Variants in ANXA4 observed in about 807,000 individuals in gnomAD.
The protein encoded by ANXA4 is 35-beta calcimedin.
ANXA4 carries 39 observed loss-of-function variants against 49.8 expected under a neutral mutation model. The observed-to-expected ratio is 0.78, with a 90% CI of 0.61 to 1.02. ANXA4 has a LOEUF of 1.02. ANXA4 is among the 50% of genes least tolerant of loss of function. The pLI, the probability that ANXA4 is intolerant of heterozygous loss-of-function variation, is 0.00. For missense variants in ANXA4, 360 were observed against 410.1 expected (o/e 0.88, Z 1.05); for synonymous variants, 134 against 152.5 (o/e 0.88, Z 0.89).
intron 1 of ANXA4, among the ~76,000 whole-genome samples, chr2:69,778,608 T>A (rs1460594642): frequency 1.3e-5 from 2 of 151,818 alleles, no homozygotes; most frequent in Admixed American, 1.3e-4. Context: ...AAACCCTGTC[T>A]CTACTAAAAA....
intron 2 of ANXA4, among the ~76,000 whole-genome samples, chr2:69,685,747 G>A (rs979359664): frequency 6.6e-6 from 1 of 152,224 alleles, no homozygotes; most frequent in South Asian, 2.1e-4. Flanking sequence ...AACTCAATAT[G>A]AGTCAGAAGT....
At chr2:69,795,125 C>G (rs1038775693) in intron 3 of ANXA4, among the ~76,000 whole-genome samples, 3 of 152,096 alleles carry the variant, frequency 2.0e-5, no homozygotes, top group Non-Finnish European at 4.4e-5. Flanking sequence ...CTGAGCCTTC[C>G]TTGATTGGGG....
chr2:69,657,145 C>A (rs182214171), intron 2 of ANXA4, among the ~76,000 whole-genome samples: 34 of 151,966 alleles, frequency 2.2e-4, no homozygotes, highest in South Asian at 4.2e-4. Context: ...CAGGCACCCG[C>A]CACCATGCCC....
intron 8 of ANXA4, 59 bp downstream of exon 8, chr2:69,812,768 C>T: frequency 6.8e-7 from 1 of 1,467,304 alleles, no homozygotes; most frequent in Non-Finnish European, 9.5e-7. Context: ...ATGAGACAGG[C>T]CTTAGTGGGT....
intron 3 of ANXA4, among the ~76,000 whole-genome samples, chr2:69,788,705 G>A (rs1471118981): frequency 1.3e-5 from 2 of 151,932 alleles, no homozygotes; most frequent in East Asian, 3.9e-4. Context: ...GGGCGTGGTG[G>A]CGGGCGCCTG....
At chr2:69,663,259 G>T (rs540993936) in intron 2 of ANXA4, among the ~76,000 whole-genome samples, 29 of 135,698 alleles carry the variant, frequency 2.1e-4, no homozygotes, top group Non-Finnish European at 3.8e-4. Flanking sequence ...CTCCCAAAGT[G>T]CTGGGATTAC....
chr2:69,755,647 G>T (rs1217554157), intron 1 of ANXA4, among the ~76,000 whole-genome samples: 1 of 152,054 alleles, frequency 6.6e-6, no homozygotes. Context: ...GGTAAATTTT[G>T]CTATATATAT....
At chr2:69,771,915 G>A (rs1671733915) in intron 1 of ANXA4, among the ~76,000 whole-genome samples, 1 of 152,030 alleles carries the variant, frequency 6.6e-6, no homozygotes, top group South Asian at 2.1e-4. Flanking sequence ...ATTGAGATAG[G>A]TCTCATATGT....
At chr2:69,710,049 G>A (rs893228072) in intron 2 of ANXA4, among the ~76,000 whole-genome samples, 1 of 142,244 alleles carries the variant, frequency 7.0e-6, no homozygotes, top group African/African-American at 2.7e-5. Context: ...GTGCAATGGC[G>A]TGAACTCAGC....
At chr2:69,690,598 C>T (rs540278422) in intron 2 of ANXA4, among the ~76,000 whole-genome samples, 1 of 152,300 alleles carries the variant, frequency 6.6e-6, no homozygotes, top group Admixed American at 6.5e-5. Context: ...ACACTTACCC[C>T]TGGGATACCC....
intron 12 of ANXA4, among the ~76,000 whole-genome samples, chr2:69,823,307 C>G (rs1187765845): frequency 6.6e-6 from 1 of 150,570 alleles, no homozygotes; most frequent in Non-Finnish European, 1.5e-5. Context: ...ATAAAGAATA[C>G]ATTACTCATT....
At chr2:69,799,146 T>A (rs1673079292) in intron 3 of ANXA4, among the ~76,000 whole-genome samples, 1 of 152,146 alleles carries the variant, frequency 6.6e-6, no homozygotes, top group African/African-American at 2.4e-5. Context: ...TTTATCAGCT[T>A]TTATCCCATT....
At chr2:69,795,573 G>T (rs1359134313) in intron 3 of ANXA4, among the ~76,000 whole-genome samples, 1 of 152,164 alleles carries the variant, frequency 6.6e-6, no homozygotes, top group Non-Finnish European at 1.5e-5. Flanking sequence ...ATAGCTTCTA[G>T]CCCTTTCCTG....
At chr2:69,743,355 C>T (rs1225401453) in intron 1 of ANXA4, among the ~76,000 whole-genome samples, 1 of 152,082 alleles carries the variant, frequency 6.6e-6, no homozygotes, top group African/African-American at 2.4e-5. Context: ...GTAGCTGGGA[C>T]TACAGGCGTG....
intron 2 of ANXA4, among the ~76,000 whole-genome samples, chr2:69,688,514 A>G (rs1280140382): frequency 6.6e-6 from 1 of 152,184 alleles, no homozygotes; most frequent in Non-Finnish European, 1.5e-5. Context: ...TCCTTTAATT[A>G]TTAGCTGGAA....
intron 2 of ANXA4, among the ~76,000 whole-genome samples, chr2:69,706,841 G>A (rs755760799): frequency 7.9e-5 from 12 of 152,086 alleles, no homozygotes; most frequent in East Asian, 5.8e-4. Flanking sequence ...TGTTATGGCC[G>A]AATAATTTCT....
At chr2:69,795,873 G>A (rs558404020) in intron 3 of ANXA4, among the ~76,000 whole-genome samples, 1 of 152,306 alleles carries the variant, frequency 6.6e-6, no homozygotes, top group South Asian at 2.1e-4. Context: ...ACTACAGTGA[G>A]AGAAATATTG....
intron 1 of ANXA4, among the ~76,000 whole-genome samples, chr2:69,759,123 C>G: frequency 9.4e-6 from 1 of 106,542 alleles, no homozygotes; most frequent in Non-Finnish European, 1.8e-5. Context: ...GAGAGAGACT[C>G]TGTCTCAAAA....
chr2:69,802,999 C>T (rs1420170892), intron 3 of ANXA4, among the ~76,000 whole-genome samples: 1 of 151,704 alleles, frequency 6.6e-6, no homozygotes, highest in African/African-American at 2.4e-5. Flanking sequence ...GAGTTCAAGA[C>T]CAGCCTGGTC....
Sources: gnomAD v4.1 joint callset for allele counts (sites outside exome capture counted in the v4.1 genomes callset) on GRCh38, gnomAD v4.1.1 for gene constraint, MANE v1.5 for transcripts, NCBI Gene and HGNC (gene_info 2026-07-23, HGNC 2026-07-21) for gene names.